SYTL2: variants seen among roughly 807,000 people sequenced by gnomAD.
SYTL2 encodes the protein synaptotagmin-like protein 2.
In SYTL2, 165 loss-of-function variants were observed where a neutral mutation model predicts 198.7. That is an observed-to-expected ratio of 0.83 (90% confidence interval 0.73 to 0.94). The LOEUF (loss-of-function observed/expected upper bound fraction) is 0.94. Among genes scored for constraint, SYTL2 ranks in the 40% least tolerant of loss-of-function variants. The pLI, the probability that SYTL2 is intolerant of heterozygous loss-of-function variation, is 0.00. For missense variants in SYTL2, 2,835 were observed against 2,582.8 expected (o/e 1.10, Z -2.12); for synonymous variants, 966 against 917.7 (o/e 1.05, Z -0.95).
Position 85,724,241 on chromosome 11 carries a change from G to A in SYTL2, c.5117C>T (p.Ala1706Val), listed in dbSNP as rs1384191348. Residue 1706 changes from alanine to valine, a missense_variant, in exon 8 of 20, where the codon GCT becomes GTT. Transcript: ENST00000359152. ...TCTGGACACACTAATTGCTTCAGAA[G>A]CCTCTCCAAAGCCAGGTTCCTGAAG... is the stretch of plus-strand genomic sequence containing the variant. ...GTLQEPGFGE[A>V]SEAISVSRNR... is the part of the protein sequence containing the mutation. 4.5e-6 allele frequency: 7 copies of A among 1,571,056 alleles called. No homozygotes were observed. The highest frequency in any genetic ancestry group is 6.0e-6 in the Non-Finnish European group (7 of 1,165,042).
At chr11:85,706,723 G>A (rs925657771) in intron 15 of SYTL2, among the ~76,000 whole-genome samples, 4 of 152,172 alleles carry the variant, frequency 2.6e-5, no homozygotes, top group African/African-American at 9.7e-5. Context: ...AGATGGCTTT[G>A]ACCCTAAGGG....
Position 85,726,128 on chromosome 11 carries a change from T to C in SYTL2, c.3230A>G (p.Tyr1077Cys). ...CTCATTTCCTGGCAACTGATAAGTA[T>C]ACTTTCTAAGTGGACTCAAAGGAAA... ...ITFPLSPLRK[Y>C]TYQLPGNESS... Residue 1077 changes from tyrosine (Y) to cysteine (C), a missense_variant, in exon 8 of 20, where the codon TAT (tyrosine) becomes TGT (cysteine). Physicochemically the swap from Tyr to Cys is radical, Grantham distance 194. This residue lies in a region of SYTL2 where 2,645 missense variants were observed against 2,381.7 expected (regional missense o/e 1.11). Coordinates refer to ENST00000359152, the MANE Select transcript of SYTL2 (RefSeq NM_206927.4). The C allele has an allele frequency of 6.2e-7, 1 of 1,614,134 alleles. No individual in the cohort carries two copies. The highest frequency in any genetic ancestry group is 8.5e-7 in the Non-Finnish European group (1 of 1,179,996).
At position 85,700,486 on chromosome 11, in the gene SYTL2, A is replaced by G. The variant is rs368528429; in HGVS notation, c.6268+29T>C. The G allele has an allele frequency of 3.2e-6, 5 of 1,559,050 alleles. 1 individual carries two copies. Among genetic ancestry groups the G allele is most frequent in the Non-Finnish European group, 4.4e-6 (5 of 1,130,120 alleles). On this transcript the variant is annotated intron_variant, in intron 17 of 19. Coordinates refer to ENST00000359152, the MANE Select transcript of SYTL2 (RefSeq NM_206927.4). ...GAGAAGGGAGGGATAAGGAAAGGAC[A>G]TAAATCTGAATAGAAAGTCATTACA...
Position 85,727,820 on chromosome 11 carries a change from T to C in SYTL2, c.1538A>G (p.Lys513Arg), listed in dbSNP as rs1428144877. Reference protein sequence around the residue: ...RSGPYATEIKKSTDDSIFKVL... With the variant: ...RSGPYATEIKRSTDDSIFKVL... ...TTTAAATATGGAATCATCAGTTGAC[T>C]TCTTTATCTCAGTGGCATATGGACC... Residue 513 changes from lysine (K) to arginine (R), a missense_variant, in exon 8 of 20, where the codon AAG becomes AGG. Lys to Arg is a conservative substitution (Grantham distance 26, BLOSUM62 2). Around this residue, in one of 3 missense-constraint regions of SYTL2, gnomAD observed 2,645 missense variants for 2,381.7 expected, o/e 1.11. Coordinates refer to ENST00000359152, the MANE Select transcript of SYTL2 (RefSeq NM_206927.4). 1.9e-6 allele frequency: 3 copies of C among 1,609,380 alleles called. No homozygotes were observed. The highest frequency in any genetic ancestry group is 1.7e-6 in the Non-Finnish European group (2 of 1,178,176).
intron 16 of SYTL2, among the ~76,000 whole-genome samples, chr11:85,703,202 G>T (rs1254737980): frequency 6.6e-6 from 1 of 152,056 alleles, no homozygotes; most frequent in Non-Finnish European, 1.5e-5. Flanking sequence ...AGAAAATAGT[G>T]GGGCAAAAGT....
At chr11:85,722,947 A>C (rs2088575276) in intron 8 of SYTL2, among the ~76,000 whole-genome samples, 1 of 152,216 alleles carries the variant, frequency 6.6e-6, no homozygotes, top group Admixed American at 6.5e-5. Context: ...GCCACTCAGT[A>C]AAGCTTATCT....
rs189970046 is a variant in SYTL2, at chr11:85,742,994, C to A, written c.389+2643G>T. ...CCAATGCTTGACTACATGCTGGGTA[C>A]CCACAGTGTTTTACTTCTTCATGTG... On this transcript the variant is annotated intron_variant, in intron 4 of 19. Coordinates refer to ENST00000359152, the MANE Select transcript of SYTL2 (RefSeq NM_206927.4). 2.0e-5 allele frequency among the ~76,000 whole-genome samples: 3 copies of A among 152,300 alleles called. No homozygotes were observed. In the East Asian group the frequency reaches 5.8e-4, roughly 29 times the overall value.
At chr11:85,736,438 G>T in intron 6 of SYTL2, 63 bp downstream of exon 6, 3 of 831,364 alleles carry the variant, frequency 3.6e-6, no homozygotes, top group South Asian at 1.8e-5. Flanking sequence ...GGAACTCTGA[G>T]AATTTCCCTT....
intron 1 of SYTL2, among the ~76,000 whole-genome samples, chr11:85,802,220 CTTTTTT>C (rs5793172): frequency 1.6e-5 from 2 of 122,590 alleles, no homozygotes; most frequent in Non-Finnish European, 1.6e-5. Context: ...TTTTTCTTTT[CTTTTTT>C]TTTTTTTTTT....
chr11:85,789,063 A>G (rs1226262557), intron 1 of SYTL2, among the ~76,000 whole-genome samples: 1 of 151,500 alleles, frequency 6.6e-6, no homozygotes, highest in Non-Finnish European at 1.5e-5. Context: ...GCAAACCTCA[A>G]AAAGATGAAT....
At chr11:85,827,406 T>A in the SYTL2 span, among the ~76,000 whole-genome samples, 2 of 152,192 alleles carry the variant, frequency 1.3e-5, no homozygotes, top group Admixed American at 6.5e-5. Flanking sequence ...TCACTACCCC[T>A]ATGGCTCCCT....
chr11:85,836,429 T>C, the SYTL2 span, among the ~76,000 whole-genome samples: 2 of 152,114 alleles, frequency 1.3e-5, no homozygotes, highest in Non-Finnish European at 2.9e-5. Flanking sequence ...TGGAAATCTC[T>C]AATCTTATAG....
At chr11:85,826,663 C>T in the SYTL2 span, among the ~76,000 whole-genome samples, 8 of 152,206 alleles carry the variant, frequency 5.3e-5, no homozygotes, top group Admixed American at 2.0e-4. Context: ...GAGCCTCTAA[C>T]GGTATGTCAG....
At chr11:85,840,902 C>T in the SYTL2 span, among the ~76,000 whole-genome samples, 5 of 152,042 alleles carry the variant, frequency 3.3e-5, no homozygotes, top group African/African-American at 1.2e-4. Flanking sequence ...AGTAAACAGA[C>T]CAGCTAAGGA....
intron 1 of SYTL2, among the ~76,000 whole-genome samples, chr11:85,762,827 C>G (rs1298750893): frequency 6.6e-6 from 1 of 152,160 alleles, no homozygotes; most frequent in Non-Finnish European, 1.5e-5. Flanking sequence ...ATCACACGGT[C>G]TCAAATCCCT....
At chr11:85,763,230 G>A (rs956543241) in intron 1 of SYTL2, among the ~76,000 whole-genome samples, 1 of 152,198 alleles carries the variant, frequency 6.6e-6, no homozygotes, top group African/African-American at 2.4e-5. Flanking sequence ...AGAAGGATAA[G>A]GAGCAGCGGT....
the SYTL2 span, among the ~76,000 whole-genome samples, chr11:85,839,714 T>TA: frequency 6.6e-6 from 1 of 152,240 alleles, no homozygotes; most frequent in Non-Finnish European, 1.5e-5. Flanking sequence ...TTCCAAATCT[T>TA]AGCTATTGTA....
chr11:85,708,164 A>AG, intron 14 of SYTL2: 1 of 434,256 alleles, frequency 2.3e-6, no homozygotes, highest in Non-Finnish European at 4.6e-6. Context: ...AAAAAAAAAA[A>AG]AGAAAAAAAG....
At chr11:85,785,417 A>G (rs2092621538) in intron 1 of SYTL2, among the ~76,000 whole-genome samples, 1 of 152,220 alleles carries the variant, frequency 6.6e-6, no homozygotes, top group African/African-American at 2.4e-5. Context: ...TCCCTTAACT[A>G]TTATTCAGAA....
Sources: gnomAD v4.1 joint callset for allele counts (sites outside exome capture counted in the v4.1 genomes callset) on GRCh38, gnomAD v4.1.1 for gene constraint, gnomAD v4.1.1 regional missense constraint, MANE v1.5 for transcripts, NCBI Gene and HGNC (gene_info 2026-07-23, HGNC 2026-07-21) for gene names.